DISC1: variants seen among roughly 807,000 people sequenced by gnomAD.
The protein encoded by DISC1 is DISC1 scaffold protein, also known as disrupted in schizophrenia 1 protein.
A neutral mutation model predicts 84.5 loss-of-function variants in DISC1; 57 were observed. The ratio of observed to expected loss-of-function variants is 0.67; its 90% CI spans 0.55 to 0.84. The LOEUF is 0.84. DISC1 is among the 40% of genes least tolerant of loss of function. The pLI is 0.00. For missense variants in DISC1, 1,000 were observed against 1,057.8 expected (o/e 0.95, Z 0.76); for synonymous variants, 411 against 415.2 (o/e 0.99, Z 0.12).
At chr1:231,889,449 C>T (rs183730135) in intron 9 of DISC1, among the ~76,000 whole-genome samples, 96 of 152,314 alleles carry the variant, frequency 6.3e-4, no homozygotes, top group Non-Finnish European at 7.1e-4. Context: ...CCAATCATCG[C>T]TGGTGTGATA....
chr1:231,941,467 G>T (rs1348518817), intron 9 of DISC1, among the ~76,000 whole-genome samples: 2 of 147,540 alleles, frequency 1.4e-5, no homozygotes, highest in East Asian at 4.3e-4. Flanking sequence ...CTCTCCCCAT[G>T]AAACTTCAAT....
chr1:231,804,617 A>G (rs991921473), intron 8 of DISC1, among the ~76,000 whole-genome samples: 3 of 152,118 alleles, frequency 2.0e-5, no homozygotes, highest in Non-Finnish European at 4.4e-5. Context: ...TCCTGGCTCA[A>G]TGTCTCTTCT....
intron 9 of DISC1, chr1:231,866,762 A>G (rs1199859918): frequency 7.8e-7 from 1 of 1,274,582 alleles, no homozygotes. Context: ...TTCTTCTTTC[A>G]ACCTTGACGA....
intron 1 of DISC1, among the ~76,000 whole-genome samples, chr1:231,664,937 G>A (rs2061888239): frequency 6.6e-6 from 1 of 151,538 alleles, no homozygotes; most frequent in Non-Finnish European, 1.5e-5. Context: ...TGTTATGAAT[G>A]CATAAAATAT....
intron 7 of DISC1, among the ~76,000 whole-genome samples, chr1:231,795,918 A>G (rs2078727606): frequency 6.6e-6 from 1 of 152,174 alleles, no homozygotes; most frequent in African/African-American, 2.4e-5. Context: ...TCAGGATGGT[A>G]GTAATTTGAG....
chr1:231,745,825 A>T (rs766984221), intron 3 of DISC1, among the ~76,000 whole-genome samples: 6 of 152,176 alleles, frequency 3.9e-5, no homozygotes, highest in Non-Finnish European at 8.8e-5. Context: ...CCAGTGTTGG[A>T]GATGGGCCTG....
chr1:231,933,793 G>A (rs1398721971), intron 9 of DISC1, among the ~76,000 whole-genome samples: 2 of 152,182 alleles, frequency 1.3e-5, no homozygotes, highest in Non-Finnish European at 2.9e-5. Flanking sequence ...CAACCCGAAA[G>A]TTTGGGGGCA....
chr1:231,896,834 C>T (rs1047965903), intron 9 of DISC1, among the ~76,000 whole-genome samples: 1 of 152,130 alleles, frequency 6.6e-6, no homozygotes, highest in Non-Finnish European at 1.5e-5. Flanking sequence ...CAAATAGAGG[C>T]GCCACTGCTG....
chr1:231,819,739 AGGTTTCTGC>A (rs1458436873), intron 9 of DISC1, among the ~76,000 whole-genome samples: 1 of 151,184 alleles, frequency 6.6e-6, no homozygotes, highest in Non-Finnish European at 1.5e-5. Flanking sequence ...CATTTGAAAT[AGGTTTCTGC>A]TATTGATTTT....
intron 10 of DISC1, among the ~76,000 whole-genome samples, chr1:231,985,258 G>A (rs372095521): frequency 1.5e-4 from 22 of 151,348 alleles, no homozygotes; most frequent in Middle Eastern, 3.4e-3. Context: ...CCTGGAAGGC[G>A]GAGGTTGTAG....
rs1457272372 is a variant in DISC1, at chr1:231,897,062, TGAA to T, written c.1982-61761_1982-61759del. Among the ~76,000 whole-genome samples, 6 of 151,280 alleles carry T rather than the reference TGAA, an allele frequency of 4.0e-5. No individual in the cohort carries two copies. The highest frequency in any genetic ancestry group is 1.2e-4 in the African/African-American group (5 of 41,088). ...CACGGGGCCAACACCACAGCAGGAG[TGAA>T]GAAGGAGCTGGAAGGGGAAGGTGGG... On this transcript the variant is annotated intron_variant, in intron 9 of 12. Coordinates refer to ENST00000439617, the MANE Select transcript of DISC1 (RefSeq NM_018662.3). The surrounding 1 kb of genome is among the most constrained non-coding windows in gnomAD (Gnocchi z 4.5).
chr1:231,941,679 G>T (rs943043786), intron 9 of DISC1, among the ~76,000 whole-genome samples: 1 of 152,056 alleles, frequency 6.6e-6, no homozygotes, highest in Non-Finnish European at 1.5e-5. Context: ...CACCATGTTG[G>T]CCAGGATGGT....
intron 8 of DISC1, among the ~76,000 whole-genome samples, chr1:231,806,935 C>T (rs1344478862): frequency 6.6e-6 from 1 of 152,210 alleles, no homozygotes; most frequent in Non-Finnish European, 1.5e-5. Flanking sequence ...ACTACCCATC[C>T]CCATCAGAAA....
chr1:231,830,583 G>A (rs1345180117), intron 9 of DISC1, among the ~76,000 whole-genome samples: 1 of 152,198 alleles, frequency 6.6e-6, no homozygotes, highest in Non-Finnish European at 1.5e-5. Flanking sequence ...GTAAACAAGA[G>A]CAGGGCATGT....
intron 9 of DISC1, among the ~76,000 whole-genome samples, chr1:231,844,135 G>A (rs932758877): frequency 6.6e-6 from 1 of 152,138 alleles, no homozygotes; most frequent in Non-Finnish European, 1.5e-5. Context: ...TGTTTGTGGG[G>A]TTCCCCTGCC....
chr1:232,036,747 G>A lies in DISC1; in HGVS notation c.2481G>A (p.Leu827=). 1 of 1,608,118 alleles carries A rather than the reference G, an allele frequency of 6.2e-7. No homozygotes were observed. Among genetic ancestry groups the A allele is most frequent in the Non-Finnish European group, 8.5e-7 (1 of 1,175,950 alleles). Residue 827 remains leucine (L), a synonymous_variant, in exon 13 of 13, where the codon CTG becomes CTA. Transcript: ENST00000439617. ...MVKETLQAMI[L]QLQPAKEAGE... is the part of the protein sequence containing the mutation. ...AGGAAACTCTGCAGGCCATGATCCT[G>A]CAGCTCCAGCCAGCAAAGGAGGCGG...
chr1:231,730,815 A>G (rs2071419711), intron 3 of DISC1, among the ~76,000 whole-genome samples: 1 of 152,250 alleles, frequency 6.6e-6, no homozygotes, highest in Non-Finnish European at 1.5e-5. Flanking sequence ...CTAGATTGCT[A>G]AGTGAGTTAG....
At chr1:231,767,687 G>A (rs2076268025) in intron 5 of DISC1, among the ~76,000 whole-genome samples, 1 of 152,212 alleles carries the variant, frequency 6.6e-6, no homozygotes, top group African/African-American at 2.4e-5. Context: ...TGTCAAGCCG[G>A]GGAGTACAAA....
intron 11 of DISC1, among the ~76,000 whole-genome samples, chr1:232,013,985 A>C (rs1410235715): frequency 7.0e-6 from 1 of 142,372 alleles, no homozygotes; most frequent in Non-Finnish European, 1.5e-5. Flanking sequence ...GAGGCCTTCC[A>C]ATCTCCTTTG....
Sources: allele counts gnomAD v4.1 joint callset (sites outside exome capture counted in the v4.1 genomes callset), GRCh38; gene constraint gnomAD v4.1.1; non-coding constraint Gnocchi (gnomAD v3.1); transcripts MANE v1.5; gene names NCBI Gene and HGNC (gene_info 2026-07-23, HGNC 2026-07-21).